Variants in CCDC149 observed in about 807,000 individuals in gnomAD.
CCDC149 encodes the protein coiled-coil domain containing 149, also known as coiled-coil domain-containing protein 149.
CCDC149 carries 45 observed loss-of-function variants against 59.9 expected under a neutral mutation model. The observed-to-expected ratio is 0.75, with a 90% CI of 0.59 to 0.96. The LOEUF is 0.96. Ranked by LOEUF, CCDC149 falls within the 40% of genes least tolerant of loss-of-function variation. The probability of loss-of-function intolerance (pLI) is 0.00; values close to 1 mark genes in which losing one functional copy is unlikely to be tolerated. For synonymous variants in CCDC149, 245 were observed against 260.6 expected (o/e 0.94, Z 0.58); for missense variants, 584 against 664.7 (o/e 0.88, Z 1.33).
In CCDC149 at chr4:24,953,693, A is replaced by C. The variant is rs538786856; in HGVS notation, c.-65+26376T>G. 2.6e-5 allele frequency among the ~76,000 whole-genome samples: 4 copies of C among 152,328 alleles called. No homozygotes were observed. The South Asian group carries it at 8.3e-4, about 32-fold the overall frequency. On this transcript the variant is annotated intron_variant, in intron 1 of 12. Transcript: ENST00000389609. Reference sequence around the variant, plus strand: ...CAGAGGAAAAAATAATAATCAGCAGAAACTGTCCCTGAAAAAGACCTGATG... The same window carrying C: ...CAGAGGAAAAAATAATAATCAGCAGCAACTGTCCCTGAAAAAGACCTGATG...
At chr4:24,927,868 A>C (rs1722471340) in intron 1 of CCDC149, among the ~76,000 whole-genome samples, 2 of 152,160 alleles carry the variant, frequency 1.3e-5, no homozygotes, top group African/African-American at 4.8e-5. Context: ...GGCTTGAAAA[A>C]AAACTCAGCG....
At chr4:24,950,471 A>G (rs1723252201) in intron 1 of CCDC149, among the ~76,000 whole-genome samples, 1 of 152,234 alleles carries the variant, frequency 6.6e-6, no homozygotes, top group African/African-American at 2.4e-5. Flanking sequence ...TGGACCCCAA[A>G]TCGAGTGGAC....
intron 1 of CCDC149, among the ~76,000 whole-genome samples, chr4:24,938,784 G>T (rs1406880858): frequency 6.6e-6 from 1 of 152,256 alleles, no homozygotes; most frequent in Non-Finnish European, 1.5e-5. Flanking sequence ...CGCCCACGGA[G>T]CCTCACTCAT....
At chr4:24,867,316 A>C (rs1229822955) in intron 3 of CCDC149, among the ~76,000 whole-genome samples, 1 of 152,248 alleles carries the variant, frequency 6.6e-6, no homozygotes, top group Non-Finnish European at 1.5e-5. Flanking sequence ...CCAGTCAGCA[A>C]GTGGAAAGGT....
At position 24,938,581 on chromosome 4, in the gene CCDC149, C is replaced by T. The variant is rs187924797; in HGVS notation, c.-65+41488G>A. On this transcript the variant is annotated intron_variant, in intron 1 of 12. Transcript: ENST00000389609. ...GGGGTGCAGTGCACTGGGCGTGAGCCGAAGCAGGGCGAGGAATCACTTCAC... is the reference window on the plus strand; with the variant it reads ...GGGGTGCAGTGCACTGGGCGTGAGCTGAAGCAGGGCGAGGAATCACTTCAC... Among the ~76,000 whole-genome samples, 9 of 152,240 alleles carry T rather than the reference C, an allele frequency of 5.9e-5. No homozygotes were observed. The South Asian group carries it at 1.2e-3, about 21-fold the overall frequency.
intron 1 of CCDC149, among the ~76,000 whole-genome samples, chr4:24,958,320 T>A (rs1213413688): frequency 1.3e-5 from 2 of 152,210 alleles, no homozygotes; most frequent in Non-Finnish European, 2.9e-5. Flanking sequence ...TGATCAGGAT[T>A]GTTTCTTCTA....
intron 1 of CCDC149, among the ~76,000 whole-genome samples, chr4:24,978,796 G>A (rs559927824): frequency 3.3e-5 from 5 of 152,140 alleles, no homozygotes; most frequent in East Asian, 1.9e-4. Flanking sequence ...AGATCTACTC[G>A]GACTCACTGG....
At chr4:24,932,791 A>G (rs1722632023) in intron 1 of CCDC149, among the ~76,000 whole-genome samples, 3 of 152,156 alleles carry the variant, frequency 2.0e-5, no homozygotes, top group African/African-American at 4.8e-5. Context: ...AGTCAGAGGG[A>G]AGTGTCAGGG....
chr4:24,915,074 T>C (rs1462537421), upstream of CCDC149, among the ~76,000 whole-genome samples: 4 of 152,234 alleles, frequency 2.6e-5, no homozygotes, highest in Non-Finnish European at 5.9e-5. Flanking sequence ...CTAAAGCTTC[T>C]GGTCTTCTGA....
chr4:24,837,966 C>T lies in CCDC149; in HGVS notation c.489+190G>A, dbSNP rs1716650904. ...ATGGTACCCAATAGCAGGGAGCAGA[C>T]CTGCCTGCTGGAGGCCAGAAACCCA... On this transcript the variant is annotated intron_variant, in intron 5 of 12. Coordinates refer to ENST00000635206, the MANE Select transcript of CCDC149 (RefSeq NM_001330643.2). This position sits in a 1 kb window ranked among gnomAD's most constrained non-coding sequence, Gnocchi z 4.3. 1.3e-5 allele frequency among the ~76,000 whole-genome samples: 2 copies of T among 152,184 alleles called. No individual in the cohort carries two copies. Among genetic ancestry groups the T allele is most frequent in the South Asian group, 4.1e-4 (2 of 4,828 alleles).
At chr4:24,949,549 C>A (rs1723218876) in intron 1 of CCDC149, among the ~76,000 whole-genome samples, 1 of 152,180 alleles carries the variant, frequency 6.6e-6, no homozygotes, top group African/African-American at 2.4e-5. Flanking sequence ...CCTCTACTGA[C>A]CCAGATGCTG....
intron 1 of CCDC149, among the ~76,000 whole-genome samples, chr4:24,912,592 C>T (rs894598827): frequency 7.2e-5 from 11 of 152,196 alleles, no homozygotes; most frequent in Non-Finnish European, 1.5e-4. Flanking sequence ...GGCCCCTCCC[C>T]AAAGGCTGAC....
intron 1 of CCDC149, among the ~76,000 whole-genome samples, chr4:24,959,540 C>T (rs1435721374): frequency 6.6e-6 from 1 of 151,988 alleles, no homozygotes; most frequent in African/African-American, 2.4e-5. Flanking sequence ...AATTATAAAC[C>T]TGCAGACCCA....
At chr4:24,824,123 G>T (rs1715574997) in intron 9 of CCDC149, among the ~76,000 whole-genome samples, 1 of 152,202 alleles carries the variant, frequency 6.6e-6, no homozygotes, top group Admixed American at 6.5e-5. Flanking sequence ...TGGAGGTGGA[G>T]GGATGCCGTC....
At chr4:24,822,322 T>C (rs1161871111) in intron 10 of CCDC149, among the ~76,000 whole-genome samples, 175 bp downstream of exon 10, 1 of 152,156 alleles carries the variant, frequency 6.6e-6, no homozygotes, top group Non-Finnish European at 1.5e-5. Flanking sequence ...CACCCTGCCA[T>C]GTAGTTTCTA....
At chr4:24,890,762 T>G (rs1411808180) in intron 1 of CCDC149, among the ~76,000 whole-genome samples, 3 of 152,218 alleles carry the variant, frequency 2.0e-5, no homozygotes, top group African/African-American at 7.2e-5. Context: ...GTGCACATAC[T>G]CTAAAGCAAG....
At chr4:24,856,319 G>T (rs1032184362) in intron 3 of CCDC149, among the ~76,000 whole-genome samples, 2 of 152,182 alleles carry the variant, frequency 1.3e-5, no homozygotes, top group African/African-American at 4.8e-5. Context: ...CAAAACCCTT[G>T]CCCTTAGAAA....
intron 1 of CCDC149, among the ~76,000 whole-genome samples, chr4:24,946,049 TG>T (rs1723098623): frequency 6.6e-6 from 1 of 152,198 alleles, no homozygotes; most frequent in South Asian, 2.1e-4. Flanking sequence ...TAGAAGAATT[TG>T]GGTGATAAGT....
At chr4:24,866,434 A>G (rs1009922711) in intron 3 of CCDC149, among the ~76,000 whole-genome samples, 1 of 152,204 alleles carries the variant, frequency 6.6e-6, no homozygotes, top group Non-Finnish European at 1.5e-5. Flanking sequence ...ACCCGAGATA[A>G]TTTAATTGCC....
Sources: allele counts gnomAD v4.1 joint callset (sites outside exome capture counted in the v4.1 genomes callset), GRCh38; gene constraint gnomAD v4.1.1; non-coding constraint Gnocchi (gnomAD v3.1); transcripts MANE v1.5; gene names NCBI Gene and HGNC (gene_info 2026-07-23, HGNC 2026-07-21).